The following NMNAT3 variants were observed in gnomAD, a reference collection of about 807,000 sequenced individuals.
NMNAT3 encodes nicotinamide/nicotinic acid mononucleotide adenylyltransferase 3.
NMNAT3 carries 21 observed loss-of-function variants against 24.8 expected under a neutral mutation model. The ratio of observed to expected loss-of-function variants is 0.85; its 90% CI spans 0.60 to 1.22. NMNAT3 has a LOEUF of 1.22. NMNAT3 is among the 50% of genes most tolerant of loss of function. The pLI is 0.00. For synonymous variants in NMNAT3, 136 were observed against 155.2 expected, an observed-to-expected ratio of 0.88 and a Z score of 0.92; for missense variants, 387 against 436.6, an observed-to-expected ratio of 0.89 and a Z score of 1.01.
intron 3 of NMNAT3, chr3:139,599,578 C>A (rs2054622675): frequency 1.7e-6 from 1 of 605,018 alleles, no homozygotes. Context: ...AGAATCTCAA[C>A]TAAATGGTTA....
intron 1 of NMNAT3, among the ~76,000 whole-genome samples, chr3:139,663,134 T>C (rs1473968582): frequency 6.6e-6 from 1 of 152,166 alleles, no homozygotes; most frequent in Non-Finnish European, 1.5e-5. Context: ...TGGGGGAGAA[T>C]CTATTCTTGT....
At chr3:139,604,790 T>C (rs183565689) in intron 3 of NMNAT3, among the ~76,000 whole-genome samples, 126 of 152,342 alleles carry the variant, frequency 8.3e-4, no homozygotes, top group African/African-American at 2.8e-3. Context: ...TTGTTGATTA[T>C]ATGCAATTTA....
chr3:139,577,101 G>A (rs1224280499), intron 5 of NMNAT3, among the ~76,000 whole-genome samples: 1 of 150,506 alleles, frequency 6.6e-6, no homozygotes. Context: ...GAATCACCAT[G>A]GAGCTTTTTT....
chr3:139,623,701 G>C (rs1412542052), intron 3 of NMNAT3, among the ~76,000 whole-genome samples: 2 of 152,076 alleles, frequency 1.3e-5, no homozygotes, highest in Non-Finnish European at 2.9e-5. Flanking sequence ...CCCTGCCTGA[G>C]CCTCCCAAGT....
chr3:139,613,516 T>G (rs575741000), intron 3 of NMNAT3, among the ~76,000 whole-genome samples: 1 of 152,140 alleles, frequency 6.6e-6, no homozygotes, highest in Non-Finnish European at 1.5e-5. Flanking sequence ...GAGAAATACG[T>G]ACACTTTTAC....
chr3:139,586,546 C>G (rs990326280), intron 3 of NMNAT3, among the ~76,000 whole-genome samples: 55 of 152,236 alleles, frequency 3.6e-4, no homozygotes, highest in Middle Eastern at 3.4e-3. Flanking sequence ...TGAGGTACCC[C>G]CTCCTTCAAG....
chr3:139,656,847 CTTA>C (rs976716693), intron 1 of NMNAT3, among the ~76,000 whole-genome samples: 2 of 150,836 alleles, frequency 1.3e-5, no homozygotes, highest in African/African-American at 2.4e-5. Context: ...AATTCCAAAT[CTTA>C]TTATTTTCAC....
At chr3:139,613,371 G>A (rs1419074214) in intron 3 of NMNAT3, among the ~76,000 whole-genome samples, 2 of 152,080 alleles carry the variant, frequency 1.3e-5, no homozygotes, top group Non-Finnish European at 1.5e-5. Flanking sequence ...GCAGCCAAAA[G>A]ACACATGAAA....
chr3:139,643,998 T>G (rs1219835575), intron 1 of NMNAT3, among the ~76,000 whole-genome samples: 1 of 152,212 alleles, frequency 6.6e-6, no homozygotes, highest in African/African-American at 2.4e-5. Flanking sequence ...CTATCAGGAT[T>G]GTCTTGAGAT....
At chr3:139,631,917 C>T (rs918291029) in intron 2 of NMNAT3, among the ~76,000 whole-genome samples, 4 of 152,074 alleles carry the variant, frequency 2.6e-5, no homozygotes, top group Admixed American at 2.6e-4. Flanking sequence ...TTGCTCTTCT[C>T]CAAGTGGAAG....
chr3:139,590,395 C>T (rs371495522), intron 3 of NMNAT3, among the ~76,000 whole-genome samples: 3 of 152,044 alleles, frequency 2.0e-5, no homozygotes, highest in Admixed American at 6.6e-5. Context: ...GTGGTGGAGG[C>T]GAGGTGTGAA....
At chr3:139,610,763 C>G (rs1407819773) in intron 3 of NMNAT3, among the ~76,000 whole-genome samples, 1 of 152,148 alleles carries the variant, frequency 6.6e-6, no homozygotes, top group Non-Finnish European at 1.5e-5. Context: ...TCCCCCTTAT[C>G]TCAGATTGTA....
At chr3:139,612,568 T>C (rs948585091) in intron 3 of NMNAT3, among the ~76,000 whole-genome samples, 1 of 152,172 alleles carries the variant, frequency 6.6e-6, no homozygotes, top group African/African-American at 2.4e-5. Context: ...TGCATCCCTC[T>C]TCTGGTGAAG....
intron 3 of NMNAT3, among the ~76,000 whole-genome samples, chr3:139,613,975 C>T (rs1559911096): frequency 6.6e-6 from 1 of 151,414 alleles, no homozygotes; most frequent in Non-Finnish European, 1.5e-5. Flanking sequence ...CATCACACAC[C>T]AGGGCCTGTT....
chr3:139,575,747 T>TCC, intron 5 of NMNAT3: 1 of 1,103,766 alleles, frequency 9.1e-7, no homozygotes, highest in South Asian at 2.4e-5. Flanking sequence ...GCCTGAGTGG[T>TCC]ACCTTGGGCC....
chr3:139,569,060 C>T (rs1227856377), intron 6 of NMNAT3: 6 of 152,206 alleles, frequency 3.9e-5, no homozygotes, highest in East Asian at 3.8e-4. Flanking sequence ...GGATAGTTAG[C>T]TCTTCCTGTT....
chr3:139,653,383 A>G (rs1559956961), intron 1 of NMNAT3, among the ~76,000 whole-genome samples: 1 of 152,254 alleles, frequency 6.6e-6, no homozygotes, highest in African/African-American at 2.4e-5. Context: ...ATCAGGAGTT[A>G]TAAAATGCTT....
intron 1 of NMNAT3, among the ~76,000 whole-genome samples, chr3:139,664,085 G>C: frequency 6.6e-6 from 1 of 152,168 alleles, no homozygotes; most frequent in Admixed American, 6.5e-5. Context: ...GTGAAGACTT[G>C]TTTGTTGAGA....
intron 1 of NMNAT3, among the ~76,000 whole-genome samples, chr3:139,639,535 A>G (rs1025423589): frequency 6.6e-6 from 1 of 152,200 alleles, no homozygotes; most frequent in Non-Finnish European, 1.5e-5. Flanking sequence ...ATTGTCCCTG[A>G]TAAAATATCT....
Sources: allele counts gnomAD v4.1 joint callset (sites outside exome capture counted in the v4.1 genomes callset), GRCh38; gene constraint gnomAD v4.1.1; transcripts MANE v1.5; gene names NCBI Gene and HGNC (gene_info 2026-07-23, HGNC 2026-07-21).